The following PCDHA2 variants were observed in gnomAD, a reference collection of about 807,000 sequenced individuals.
PCDHA2 encodes protocadherin alpha 2, also known as protocadherin alpha-2.
In PCDHA2, 58 loss-of-function variants were observed where a neutral mutation model predicts 66.0. The ratio of observed to expected loss-of-function variants is 0.88; its 90% CI spans 0.71 to 1.09. The LOEUF (loss-of-function observed/expected upper bound fraction) is 1.09. PCDHA2 is among the 50% of genes least tolerant of loss of function. The pLI, the probability that PCDHA2 is intolerant of heterozygous loss-of-function variation, is 0.00. For synonymous variants in PCDHA2, 634 were observed against 554.0 expected, an observed-to-expected ratio of 1.14 and a Z score of -2.03; for missense variants, 1,267 against 1,242.3, an observed-to-expected ratio of 1.02 and a Z score of -0.30.
intron 1 of PCDHA2, chr5:140,809,014 C>T: frequency 6.2e-7 from 1 of 1,613,716 alleles, no homozygotes; most frequent in East Asian, 2.2e-5. Flanking sequence ...GGCTTTCGTA[C>T]GAGCTGCAGC....
Position 141,010,327 on chromosome 5 carries a change from G to T in PCDHA2, c.*390G>T, listed in dbSNP as rs2098416942. 5 of 1,539,742 alleles carry T rather than the reference G, an allele frequency of 3.2e-6. No individual in the cohort carries two copies. The highest frequency in any genetic ancestry group is 2.4e-5 in the South Asian group (2 of 82,532). On this transcript the variant is annotated 3_prime_UTR_variant, in exon 4 of 4. Transcript: ENST00000526136. ...AAAGTTTTGAGATTGAGCAGCTTGGGAGTTTGTGGCCACTGGGTATGTGTG... is the reference window on the plus strand; with the variant it reads ...AAAGTTTTGAGATTGAGCAGCTTGGTAGTTTGTGGCCACTGGGTATGTGTG...
At chr5:140,965,436 G>A (rs1389592396) in intron 1 of PCDHA2, among the ~76,000 whole-genome samples, 1 of 152,038 alleles carries the variant, frequency 6.6e-6, no homozygotes, top group Non-Finnish European at 1.5e-5. Flanking sequence ...TGCAGTCATT[G>A]AAATTGCTGG....
chr5:141,000,392 T>TATAA (rs2097913276), intron 3 of PCDHA2, among the ~76,000 whole-genome samples: 1 of 62,986 alleles, frequency 1.6e-5, no homozygotes, highest in African/African-American at 7.3e-5. Context: ...TCTCTCTCTC[T>TATAA]CTCTATATAT....
At chr5:140,951,542 A>AG (rs1554219955) in intron 1 of PCDHA2, among the ~76,000 whole-genome samples, 1 of 151,820 alleles carries the variant, frequency 6.6e-6, no homozygotes, top group African/African-American at 2.4e-5. Context: ...GGAGCAAGGG[A>AG]CGGGGGGAAG....
intron 1 of PCDHA2, chr5:140,875,436 A>G (rs782083459): frequency 6.4e-7 from 1 of 1,564,660 alleles, no homozygotes; most frequent in Non-Finnish European, 8.6e-7. Flanking sequence ...ATCCCTTAAA[A>G]CTGATTGTCC....
chr5:140,848,711 G>A (rs2150418509), intron 1 of PCDHA2: 14 of 1,592,432 alleles, frequency 8.8e-6, no homozygotes, highest in Non-Finnish European at 1.2e-5. Flanking sequence ...AAGGCCGCGG[G>A]GACCTTCTGG....
chr5:140,870,167 C>G, intron 1 of PCDHA2: 1 of 1,614,134 alleles, frequency 6.2e-7, no homozygotes, highest in Non-Finnish European at 8.5e-7. Flanking sequence ...ACTTCCTTGT[C>G]CCTCCCAGTA....
chr5:140,886,786 A>C (rs2061126610), intron 1 of PCDHA2, among the ~76,000 whole-genome samples: 1 of 150,390 alleles, frequency 6.6e-6, no homozygotes, highest in East Asian at 2.0e-4. Context: ...AGATCATGCT[A>C]CTGTACTCCA....
intron 1 of PCDHA2, among the ~76,000 whole-genome samples, chr5:140,963,912 A>C (rs2095797972): frequency 6.6e-6 from 1 of 152,246 alleles, no homozygotes. Flanking sequence ...AGTGAAGCTT[A>C]GGCTAAGTAA....
At chr5:140,869,391 C>CG (rs2051094995) in intron 1 of PCDHA2, 1 of 1,614,020 alleles carries the variant, frequency 6.2e-7, no homozygotes, top group Non-Finnish European at 8.5e-7. Context: ...AGGAGCTGTG[C>CG]GGGCAGAGCG....
intron 1 of PCDHA2, among the ~76,000 whole-genome samples, chr5:140,902,712 C>T (rs1207971068): frequency 6.6e-6 from 1 of 152,008 alleles, no homozygotes; most frequent in African/African-American, 2.4e-5. Flanking sequence ...CTTTCACTCC[C>T]CTCCCACCCT....
Position 140,843,095 on chromosome 5 carries a change from G to GC in PCDHA2, c.2388+45744dup. On this transcript the variant is annotated intron_variant, in intron 1 of 3. Coordinates refer to ENST00000526136, the MANE Select transcript of PCDHA2 (RefSeq NM_018905.3). ...GTCTGTGGGCGCGGGCCACGTGGTA[G>GC]CGAAGGTGCGCGCAGTGGACGCCGA... is the stretch of plus-strand genomic sequence containing the variant. The GC allele has an allele frequency of 4.4e-6, 7 of 1,595,672 alleles. 2 individuals are homozygous for GC. The highest frequency in any genetic ancestry group is 6.0e-6 in the Non-Finnish European group (7 of 1,165,442).
chr5:140,951,762 A>G (rs2094630710), intron 1 of PCDHA2, among the ~76,000 whole-genome samples: 1 of 152,090 alleles, frequency 6.6e-6, no homozygotes, highest in Non-Finnish European at 1.5e-5. Flanking sequence ...GCGAAATCTC[A>G]TGACGTTCTT....
rs192086826 is a variant in PCDHA2, at chr5:140,981,520, G to C, written c.2448-955G>C. ...ACCTGGGAGGCAGAGGTTGCAGTGA[G>C]CTGAGATCGTGCCACTGTACTCCAG... On this transcript the variant is annotated intron_variant, in intron 2 of 3. Coordinates refer to ENST00000526136, the MANE Select transcript of PCDHA2 (RefSeq NM_018905.3). Among the ~76,000 whole-genome samples the C allele has an allele frequency of 3.3e-5, 5 of 152,342 alleles. No homozygotes were observed. The East Asian group carries it at 9.6e-4, about 29-fold the overall frequency.
chr5:141,006,126 G>T (rs1554260581), intron 3 of PCDHA2, among the ~76,000 whole-genome samples: 1 of 151,330 alleles, frequency 6.6e-6, no homozygotes. Flanking sequence ...TTTTCTCAAG[G>T]CAGTAGAAAG....
chr5:140,835,906 T>G (rs2150248059), intron 1 of PCDHA2: 2 of 1,612,190 alleles, frequency 1.2e-6, no homozygotes, highest in Admixed American at 1.7e-5. Flanking sequence ...TCGAGCTACG[T>G]GTCAGTGCAC....
intron 1 of PCDHA2, chr5:140,858,225 C>T (rs2045276704): frequency 6.3e-7 from 1 of 1,596,714 alleles, no homozygotes; most frequent in South Asian, 1.1e-5. Context: ...GCGGCGCCCA[C>T]CGAGGGCGCA....
chr5:140,928,068 CA>C, intron 1 of PCDHA2: 1 of 1,614,214 alleles, frequency 6.2e-7, no homozygotes, highest in South Asian at 1.1e-5. Context: ...CTTCCTTTGA[CA>C]ACTACTACAG....
chr5:140,829,210 C>G (rs375156998), intron 1 of PCDHA2: 3 of 1,614,110 alleles, frequency 1.9e-6, no homozygotes, highest in Non-Finnish European at 2.5e-6. Context: ...CCCTAATTAG[C>G]GTGAACGACC....
Sources: gnomAD v4.1 joint callset for allele counts (sites outside exome capture counted in the v4.1 genomes callset) on GRCh38, gnomAD v4.1.1 for gene constraint, MANE v1.5 for transcripts, NCBI Gene and HGNC (gene_info 2026-07-23, HGNC 2026-07-21) for gene names.